MAP3K13: variants seen among roughly 807,000 people sequenced by gnomAD.
MAP3K13 encodes the protein leucine zipper-bearing kinase.
In MAP3K13, 52 loss-of-function variants were observed where a neutral mutation model predicts 104.0. The ratio of observed to expected loss-of-function variants is 0.50; its 90% confidence interval spans 0.40 to 0.63. The LOEUF is 0.63. Ranked by LOEUF, MAP3K13 falls within the 20% of genes least tolerant of loss-of-function variation. The probability of loss-of-function intolerance (pLI) is 0.00; values close to 1 mark genes in which losing one functional copy is unlikely to be tolerated. For missense variants in MAP3K13, 914 were observed against 1,218.5 expected (o/e 0.75, Z 3.72); for synonymous variants, 394 against 442.2 (o/e 0.89, Z 1.37).
At chr3:185,448,597 T>C (rs548778289) in intron 5 of MAP3K13, among the ~76,000 whole-genome samples, 5 of 152,350 alleles carry the variant, frequency 3.3e-5, no homozygotes, top group Admixed American at 6.5e-5. Context: ...TTGCATGTAA[T>C]ACCAGAGCAA....
intron 2 of MAP3K13, 115 bp from the exon 3 acceptor site, chr3:185,437,332 G>A: frequency 1.2e-6 from 1 of 808,322 alleles, no homozygotes; most frequent in Non-Finnish European, 2.0e-6. Context: ...CTTTTGCCGG[G>A]AGACAGAGGG....
chr3:185,306,603 C>T (rs1721294780), intron 2 of MAP3K13, among the ~76,000 whole-genome samples: 1 of 152,056 alleles, frequency 6.6e-6, no homozygotes, highest in Admixed American at 6.6e-5. Flanking sequence ...GTTCAAAGTT[C>T]CTTTGCACAC....
rs1218108743 is a variant in MAP3K13, at chr3:185,483,509, T to C, written c.*1053T>C. 4.4e-6 allele frequency: 1 copy of C among 227,334 alleles called. No individual in the cohort carries two copies. The highest frequency in any genetic ancestry group is 8.7e-6 in the Non-Finnish European group (1 of 114,472). The allele number at this position is 227,334 out of a possible 1,614,324, so 14.1% of individuals were successfully genotyped here. ...CGAACGTGGAATTTATAAAACTCCA[T>C]TCTCAGGATCACTCAGTTCAGCTAC... On this transcript the variant is annotated 3_prime_UTR_variant, in exon 14 of 14. Coordinates refer to ENST00000265026, the MANE Select transcript of MAP3K13 (RefSeq NM_004721.5).
At chr3:185,471,914 T>C (rs1717818370) in intron 10 of MAP3K13, among the ~76,000 whole-genome samples, 1 of 152,244 alleles carries the variant, frequency 6.6e-6, no homozygotes, top group Non-Finnish European at 1.5e-5. Flanking sequence ...TTGAAGATCT[T>C]GATCCCAAGT....
At chr3:185,447,494 CAAAAAA>C (rs1178155454) in intron 4 of MAP3K13, among the ~76,000 whole-genome samples, 7 of 28,394 alleles carry the variant, frequency 2.5e-4, no homozygotes, top group African/African-American at 5.1e-4. Context: ...AACTCTGTCT[CAAAAAA>C]AAAAAAAAAA....
At chr3:185,314,581 A>G (rs1721609939) in intron 2 of MAP3K13, among the ~76,000 whole-genome samples, 1 of 152,054 alleles carries the variant, frequency 6.6e-6, no homozygotes, top group Admixed American at 6.6e-5. Context: ...ACACCACTGC[A>G]TTCCAGCCTG....
In MAP3K13 at chr3:185,447,770, T is replaced by G. The variant is rs762020630; in HGVS notation, c.852-19T>G. On this transcript the variant is annotated intron_variant, in intron 4 of 13. Coordinates refer to ENST00000265026, the MANE Select transcript of MAP3K13 (RefSeq NM_004721.5). ...TAGTACTAATGATCCAGATGTTTTC[T>G]TTTTATTTCTTTTTAAAGTGTTTTA... The G allele has an allele frequency of 2.1e-5, 33 of 1,578,738 alleles. No homozygotes were observed. Among genetic ancestry groups the G allele is most frequent in the Non-Finnish European group, 4.3e-6 (5 of 1,164,344 alleles).
chr3:185,295,221 T>G (rs1328803067), intron 2 of MAP3K13, among the ~76,000 whole-genome samples: 6 of 152,136 alleles, frequency 3.9e-5, no homozygotes, highest in Non-Finnish European at 7.4e-5. Flanking sequence ...TGTTGTTGTT[T>G]TTGAGACGGA....
At chr3:185,391,666 A>T (rs1039869226) in intron 1 of MAP3K13, among the ~76,000 whole-genome samples, 3 of 152,228 alleles carry the variant, frequency 2.0e-5, no homozygotes, top group African/African-American at 7.2e-5. Context: ...GTTGAGCAAC[A>T]GCTGGAATCC....
At chr3:185,356,120 A>G (rs1246849629) in intron 2 of MAP3K13, among the ~76,000 whole-genome samples, 1 of 143,380 alleles carries the variant, frequency 7.0e-6, no homozygotes, top group Non-Finnish European at 1.6e-5. Flanking sequence ...CTGGGTCTTT[A>G]AAATGTCGAA....
At chr3:185,283,971 T>C (rs1720409226) in intron 1 of MAP3K13, among the ~76,000 whole-genome samples, 1 of 143,784 alleles carries the variant, frequency 7.0e-6, no homozygotes, top group Admixed American at 7.0e-5. Context: ...CGATCTCGGC[T>C]CACTGCAACC....
At chr3:185,402,686 GGGCGCTGTGTTGTTT>G (rs1252556917) in intron 1 of MAP3K13, among the ~76,000 whole-genome samples, 3 of 152,118 alleles carry the variant, frequency 2.0e-5, no homozygotes, top group African/African-American at 7.2e-5. Flanking sequence ...ATTTAATCCT[GGGCGCTGTGTTGTTT>G]GGCTTCATTG....
At chr3:185,318,078 G>GT (rs1307087866) in intron 2 of MAP3K13, among the ~76,000 whole-genome samples, 1 of 151,858 alleles carries the variant, frequency 6.6e-6, no homozygotes, top group Non-Finnish European at 1.5e-5. Context: ...GTTCAAACTG[G>GT]TTTTTTAAAT....
chr3:185,329,230 T>C, intron 2 of MAP3K13: 1 of 703,104 alleles, frequency 1.4e-6, no homozygotes, highest in Non-Finnish European at 2.6e-6. Flanking sequence ...AGTGCAAGTG[T>C]TTACAGTTAG....
chr3:185,462,169 T>G (rs1311075165), intron 7 of MAP3K13, among the ~76,000 whole-genome samples: 2 of 152,240 alleles, frequency 1.3e-5, no homozygotes, highest in Non-Finnish European at 2.9e-5. Flanking sequence ...GAAGATAGTC[T>G]ATACATAATA....
intron 1 of MAP3K13, among the ~76,000 whole-genome samples, chr3:185,382,545 C>T (rs1173490036): frequency 6.6e-6 from 1 of 152,000 alleles, no homozygotes; most frequent in Non-Finnish European, 1.5e-5. Context: ...GGATGTTTGC[C>T]CCTCCAAACC....
intron 1 of MAP3K13, among the ~76,000 whole-genome samples, chr3:185,396,431 G>A (rs1264899646): frequency 2.0e-5 from 3 of 152,062 alleles, no homozygotes; most frequent in East Asian, 1.9e-4. Context: ...GGTGATAAAA[G>A]CATTTGAAGG....
chr3:185,329,101 CA>C (rs2108704127), intron 2 of MAP3K13: 2 of 596,506 alleles, frequency 3.4e-6, no homozygotes, highest in African/African-American at 3.7e-5. Context: ...AAGAAAGTTT[CA>C]GCACTCAGCA....
chr3:185,364,049 C>G (rs569570544), intron 1 of MAP3K13, among the ~76,000 whole-genome samples: 2 of 152,296 alleles, frequency 1.3e-5, no homozygotes, highest in South Asian at 4.1e-4. Flanking sequence ...TTTCAATATC[C>G]TCTAATGAAA....
Sources: gnomAD v4.1 joint callset for allele counts (sites outside exome capture counted in the v4.1 genomes callset) on GRCh38, gnomAD v4.1.1 for gene constraint, MANE v1.5 for transcripts, NCBI Gene and HGNC (gene_info 2026-07-23, HGNC 2026-07-21) for gene names.